IQCJ: variants seen among roughly 807,000 people sequenced by gnomAD.
IQCJ encodes the protein IQ motif containing J, also known as IQ domain-containing protein J.
A neutral mutation model predicts 11.0 loss-of-function variants in IQCJ; 9 were observed. The ratio of observed to expected loss-of-function variants is 0.82; its 90% confidence interval spans 0.49 to 1.43. IQCJ has a LOEUF of 1.43. Among genes scored for constraint, IQCJ ranks in the 40% most tolerant of loss-of-function variants. The probability of loss-of-function intolerance (pLI) is 0.00; values close to 1 mark genes in which losing one functional copy is unlikely to be tolerated. For missense variants in IQCJ, 146 were observed against 133.2 expected, an observed-to-expected ratio of 1.10 and a Z score of -0.47; for synonymous variants, 55 against 51.3, an observed-to-expected ratio of 1.07 and a Z score of -0.31.
chr3:159,105,873 A>C (rs1718225891), intron 1 of IQCJ, among the ~76,000 whole-genome samples: 1 of 152,220 alleles, frequency 6.6e-6, no homozygotes, highest in South Asian at 2.1e-4. Flanking sequence ...TAAGTGTAGC[A>C]GGAAGCCATC....
At chr3:159,190,499 A>G (rs184130920) in intron 1 of IQCJ, among the ~76,000 whole-genome samples, 3 of 152,224 alleles carry the variant, frequency 2.0e-5, no homozygotes, top group Admixed American at 1.3e-4. Context: ...CGCATGAATC[A>G]TAAGTAGGAA....
At chr3:159,109,589 T>C (rs1436365380) in intron 1 of IQCJ, among the ~76,000 whole-genome samples, 1 of 151,286 alleles carries the variant, frequency 6.6e-6, no homozygotes, top group East Asian at 1.9e-4. Context: ...AATGCTCCGC[T>C]TGTCTAGCAA....
At chr3:159,105,357 C>T (rs551989753) in intron 1 of IQCJ, among the ~76,000 whole-genome samples, 2 of 152,212 alleles carry the variant, frequency 1.3e-5, no homozygotes, top group East Asian at 3.9e-4. Context: ...TTGCTTTGTC[C>T]ACCTCTTCTG....
intron 1 of IQCJ, among the ~76,000 whole-genome samples, chr3:159,218,143 G>A (rs954638656): frequency 6.6e-6 from 1 of 151,868 alleles, no homozygotes; most frequent in African/African-American, 2.4e-5. Flanking sequence ...CTATGTAGTA[G>A]TTATTGCTAT....
At chr3:159,198,645 A>G (rs1299412860) in intron 1 of IQCJ, among the ~76,000 whole-genome samples, 3 of 152,198 alleles carry the variant, frequency 2.0e-5, no homozygotes, top group Non-Finnish European at 2.9e-5. Flanking sequence ...AGACTGTCAC[A>G]TGAAAGGTAT....
intron 1 of IQCJ, among the ~76,000 whole-genome samples, chr3:159,170,329 G>A (rs2108236213): frequency 6.6e-6 from 1 of 152,224 alleles, no homozygotes; most frequent in East Asian, 1.9e-4. Flanking sequence ...GAGAGGAAGG[G>A]AAGAAAAGAA....
intron 1 of IQCJ, among the ~76,000 whole-genome samples, chr3:159,115,391 C>T (rs1489855546): frequency 6.6e-6 from 1 of 152,166 alleles, no homozygotes; most frequent in Non-Finnish European, 1.5e-5. Context: ...AATTTCTGCC[C>T]AATTTCCATG....
chr3:159,128,427 G>A (rs574571592), intron 1 of IQCJ, among the ~76,000 whole-genome samples: 57 of 152,258 alleles, frequency 3.7e-4, no homozygotes, highest in African/African-American at 1.3e-3. Flanking sequence ...TGATGGAATC[G>A]ATGTTAGAAA....
intron 1 of IQCJ, among the ~76,000 whole-genome samples, chr3:159,139,984 A>T (rs185601531): frequency 3.3e-4 from 51 of 152,292 alleles, no homozygotes; most frequent in East Asian, 1.4e-3. Flanking sequence ...TAATTTTTTT[A>T]AAAAATTTAA....
intron 1 of IQCJ, among the ~76,000 whole-genome samples, chr3:159,230,354 A>C (rs1329571427): frequency 2.0e-5 from 3 of 152,210 alleles, no homozygotes; most frequent in African/African-American, 7.2e-5. Context: ...ATGAACATAC[A>C]AGTGCATGTG....
intron 1 of IQCJ, among the ~76,000 whole-genome samples, chr3:159,227,252 G>T (rs1404022536): frequency 6.6e-6 from 1 of 152,092 alleles, no homozygotes; most frequent in Non-Finnish European, 1.5e-5. Flanking sequence ...GTTTGGCCGT[G>T]GCAAATTATA....
At chr3:159,182,238 C>A (rs1208357721) in intron 1 of IQCJ, among the ~76,000 whole-genome samples, 2 of 151,814 alleles carry the variant, frequency 1.3e-5, no homozygotes, top group Non-Finnish European at 2.9e-5. Flanking sequence ...CCTCTCTATA[C>A]CCCCAATGAC....
intron 1 of IQCJ, among the ~76,000 whole-genome samples, chr3:159,218,341 T>TTGTGTGTG (rs34078356): frequency 0.015 from 2,125 of 145,992 alleles, 49 homozygotes; most frequent in African/African-American, 0.05. Context: ...GAGTCCCTCT[T>TTGTGTGTG]TGTGTGTGTG....
At chr3:159,125,523 A>G (rs1442652463) in intron 1 of IQCJ, among the ~76,000 whole-genome samples, 1 of 152,242 alleles carries the variant, frequency 6.6e-6, no homozygotes, top group Non-Finnish European at 1.5e-5. Context: ...TAAGTTGCCA[A>G]TAAGATGGGA....
intron 1 of IQCJ, among the ~76,000 whole-genome samples, chr3:159,195,896 G>A (rs573672586): frequency 1.6e-3 from 247 of 152,332 alleles, no homozygotes; most frequent in Middle Eastern, 3.4e-3. Context: ...TAAGTGGACA[G>A]TACAGTGTCT....
chr3:159,255,184 A>G (rs1160384307), intron 3 of IQCJ, among the ~76,000 whole-genome samples: 1 of 152,174 alleles, frequency 6.6e-6, no homozygotes, highest in Non-Finnish European at 1.5e-5. Flanking sequence ...GTGGGGACCA[A>G]CTGAGAGTCT....
Position 159,114,911 on chromosome 3 carries a change from T to TCCTGCCCC in IQCJ, c.9+45480_9+45487dup, listed in dbSNP as rs1281259638. 8.4e-5 allele frequency among the ~76,000 whole-genome samples: 12 copies of TCCTGCCCC among 143,496 alleles called. No individual in the cohort carries two copies. The East Asian group carries it at 1.2e-3, about 15-fold the overall frequency. 94.1% of individuals were successfully genotyped at this position (143,496 alleles called of 152,430 possible). A position where few individuals can be genotyped will look rare whatever the true frequency, so the allele number is the denominator to read the frequency against. On this transcript the variant is annotated intron_variant, in intron 1 of 3. Coordinates refer to ENST00000397832, the MANE Select transcript of IQCJ (RefSeq NM_001042706.3). ...TCATGCAAATTTTAGTAGTCAGGTTTCCTGCCCCCCTGCCCCCGGGGCTAG... is the reference window on the plus strand; with the variant it reads ...TCATGCAAATTTTAGTAGTCAGGTTTCCTGCCCCCCTGCCCCCCTGCCCCCGGGGCTAG...
At chr3:159,241,490 C>T (rs1274511661) in intron 1 of IQCJ, among the ~76,000 whole-genome samples, 3 of 152,062 alleles carry the variant, frequency 2.0e-5, no homozygotes, top group African/African-American at 7.2e-5. Flanking sequence ...GTTTCAAGCT[C>T]CAGTTTGAAA....
Position 159,200,104 on chromosome 3 carries a change from A to AATATAT in IQCJ, c.10-45728_10-45723dup, listed in dbSNP as rs539820364. ...ATATGTATGTATGTGTTTATACATA[A>AATATAT]ATATATATATATATATCACTTTGAA... On this transcript the variant is annotated intron_variant, in intron 1 of 3. Transcript: ENST00000397832. Among the ~76,000 whole-genome samples, 6 of 116,944 alleles carry AATATAT rather than the reference A, an allele frequency of 5.1e-5. No individual in the cohort carries two copies. The East Asian group carries it at 8.6e-4, about 17-fold the overall frequency. 76.7% of individuals were successfully genotyped at this position (116,944 alleles called of 152,430 possible). A position where few individuals can be genotyped will look rare whatever the true frequency, so the allele number is the denominator to read the frequency against.
Sources: gnomAD v4.1 joint callset for allele counts (sites outside exome capture counted in the v4.1 genomes callset) on GRCh38, gnomAD v4.1.1 for gene constraint, MANE v1.5 for transcripts, NCBI Gene and HGNC (gene_info 2026-07-23, HGNC 2026-07-21) for gene names.